The following RBFOX1 variants were observed in gnomAD, a reference collection of about 807,000 sequenced individuals.
RBFOX1 encodes the protein RNA binding fox-1 homolog 1.
A neutral mutation model predicts 57.7 loss-of-function variants in RBFOX1; 8 were observed. The observed-to-expected ratio is 0.14, with a 90% CI of 0.08 to 0.25. The LOEUF is 0.25. Among genes scored for constraint, RBFOX1 ranks in the 10% least tolerant of loss-of-function variants. The probability of loss-of-function intolerance (pLI) is 1.00; values close to 1 mark genes in which losing one functional copy is unlikely to be tolerated. For synonymous variants in RBFOX1, 326 were observed against 222.4 expected (o/e 1.47, Z -4.15); for missense variants, 611 against 548.5 (o/e 1.11, Z -1.14).
At chr16:5,453,204 G>A (rs1271812443) in intron 1 of RBFOX1, among the ~76,000 whole-genome samples, 3 of 152,108 alleles carry the variant, frequency 2.0e-5, no homozygotes, top group African/African-American at 7.2e-5. Context: ...ACTAAGAGCT[G>A]AGTTTATAGT....
chr16:6,139,903 T>G (rs1390998602), intron 1 of RBFOX1, among the ~76,000 whole-genome samples: 1 of 152,192 alleles, frequency 6.6e-6, no homozygotes, highest in Non-Finnish European at 1.5e-5. Context: ...ATTCCATCAG[T>G]CTCTCTTAGC....
At chr16:6,616,380 G>GT (rs1198992537) in intron 2 of RBFOX1, among the ~76,000 whole-genome samples, 4 of 151,012 alleles carry the variant, frequency 2.6e-5, no homozygotes, top group African/African-American at 9.7e-5. Context: ...AAAAATGTTT[G>GT]GTTTTTTTTT....
intron 1 of RBFOX1, among the ~76,000 whole-genome samples, chr16:6,108,448 C>T (rs1483915249): frequency 6.6e-6 from 1 of 152,174 alleles, no homozygotes; most frequent in Non-Finnish European, 1.5e-5. Flanking sequence ...GTGCCTGTCA[C>T]ACAGTAAATG....
intron 3 of RBFOX1, among the ~76,000 whole-genome samples, chr16:6,895,882 T>G (rs2066779017): frequency 6.6e-6 from 1 of 152,014 alleles, no homozygotes; most frequent in Admixed American, 6.6e-5. Context: ...GTACTCATCC[T>G]CTTATGTCAT....
intron 4 of RBFOX1, among the ~76,000 whole-genome samples, chr16:7,337,384 C>T (rs1479822981): frequency 6.6e-6 from 1 of 152,102 alleles, no homozygotes; most frequent in Non-Finnish European, 1.5e-5. Context: ...TAGGCATTCA[C>T]AGGACAAAAA....
chr16:5,963,786 A>T (rs2059795346), intron 4 of RBFOX1, among the ~76,000 whole-genome samples: 1 of 152,202 alleles, frequency 6.6e-6, no homozygotes, highest in South Asian at 2.1e-4. Context: ...TAAACTTAAG[A>T]CCTAAAGCCA....
intron 2 of RBFOX1, among the ~76,000 whole-genome samples, chr16:6,501,504 G>A (rs1241505237): frequency 1.3e-5 from 2 of 152,008 alleles, no homozygotes; most frequent in Admixed American, 6.6e-5. Flanking sequence ...ACTCCATGGT[G>A]TATATGTGCC....
chr16:5,480,866 T>G (rs969685958), intron 2 of RBFOX1, among the ~76,000 whole-genome samples: 2 of 152,256 alleles, frequency 1.3e-5, no homozygotes, highest in African/African-American at 4.8e-5. Context: ...TCCACTGATT[T>G]GCTCTTAGAA....
chr16:7,430,985 A>G (rs1278324540), intron 4 of RBFOX1, among the ~76,000 whole-genome samples: 1 of 152,296 alleles, frequency 6.6e-6, no homozygotes, highest in South Asian at 2.1e-4. Flanking sequence ...ACTTGAATCT[A>G]TGTTGTATGG....
chr16:6,747,169 G>A (rs1335252283), intron 3 of RBFOX1, among the ~76,000 whole-genome samples: 1 of 152,124 alleles, frequency 6.6e-6, no homozygotes, highest in East Asian at 1.9e-4. Flanking sequence ...CAACACTTTG[G>A]GAGACTGAGA....
intron 1 of RBFOX1, among the ~76,000 whole-genome samples, chr16:6,294,926 G>T (rs917171236): frequency 1.3e-5 from 2 of 152,004 alleles, no homozygotes; most frequent in African/African-American, 4.8e-5. Context: ...TATTTCGTTT[G>T]TTCCTTCCCT....
intron 4 of RBFOX1, among the ~76,000 whole-genome samples, chr16:7,372,191 C>T (rs183906463): frequency 1.3e-5 from 2 of 152,120 alleles, no homozygotes; most frequent in African/African-American, 4.8e-5. Context: ...CAATTCACAT[C>T]ACTTTCTCAC....
intron 3 of RBFOX1, among the ~76,000 whole-genome samples, chr16:5,628,388 C>G (rs1205600616): frequency 6.6e-6 from 1 of 151,986 alleles, no homozygotes; most frequent in Non-Finnish European, 1.5e-5. Context: ...GCACATTCTC[C>G]ATTGAAAGCT....
chr16:7,485,168 C>G (rs1483538041), intron 4 of RBFOX1, among the ~76,000 whole-genome samples: 1 of 151,816 alleles, frequency 6.6e-6, no homozygotes, highest in Non-Finnish European at 1.5e-5. Context: ...AGTTAATAAT[C>G]AAGGGACAGG....
At chr16:5,742,332 C>T (rs916397383) in intron 3 of RBFOX1, among the ~76,000 whole-genome samples, 1 of 150,300 alleles carries the variant, frequency 6.7e-6, no homozygotes, top group Non-Finnish European at 1.5e-5. Context: ...TCCTCCCTTC[C>T]TTCCTCTCCT....
At chr16:5,597,906 C>T (rs536239399) in intron 2 of RBFOX1, among the ~76,000 whole-genome samples, 16 of 152,170 alleles carry the variant, frequency 1.1e-4, no homozygotes, top group Admixed American at 5.9e-4. Context: ...TGGACAAATC[C>T]GTCAGCCTCT....
intron 10 of RBFOX1, among the ~76,000 whole-genome samples, chr16:7,623,075 C>T (rs1436019755): frequency 6.6e-6 from 1 of 152,114 alleles, no homozygotes; most frequent in Non-Finnish European, 1.5e-5. Flanking sequence ...CTTCTAAGTC[C>T]AAGAGAAGTT....
At chr16:6,465,686 G>A in intron 2 of RBFOX1, among the ~76,000 whole-genome samples, 1 of 148,526 alleles carries the variant, frequency 6.7e-6, no homozygotes, top group East Asian at 2.1e-4. Context: ...CTGCATATTT[G>A]TTTCTGTATT....
intron 3 of RBFOX1, among the ~76,000 whole-genome samples, chr16:6,685,081 T>C (rs1227855521): frequency 6.6e-6 from 1 of 152,112 alleles, no homozygotes; most frequent in Non-Finnish European, 1.5e-5. Flanking sequence ...CAAACCTCCA[T>C]CCCTCATCAT....
Sources: gnomAD v4.1 joint callset for allele counts (sites outside exome capture counted in the v4.1 genomes callset) on GRCh38, gnomAD v4.1.1 for gene constraint, MANE v1.5 for transcripts, NCBI Gene and HGNC (gene_info 2026-07-23, HGNC 2026-07-21) for gene names.